The following ANKRD55 variants were observed in gnomAD, a reference collection of about 807,000 sequenced individuals.
ANKRD55 encodes the protein ankyrin repeat domain-containing protein 55.
ANKRD55 carries 41 observed loss-of-function variants against 60.6 expected under a neutral mutation model. The ratio of observed to expected loss-of-function variants is 0.68; its 90% confidence interval spans 0.53 to 0.88. The LOEUF is 0.88. ANKRD55 is among the 40% of genes least tolerant of loss of function. ANKRD55 has a pLI of 0.00. For missense variants in ANKRD55, 732 were observed against 767.6 expected, an observed-to-expected ratio of 0.95 and a Z score of 0.55; for synonymous variants, 264 against 290.3, an observed-to-expected ratio of 0.91 and a Z score of 0.92.
In ANKRD55 at chr5:56,127,377, A is replaced by T. The variant is rs539724268; in HGVS notation, c.613-271T>A. On this transcript the variant is annotated intron_variant, in intron 7 of 11. Transcript: ENST00000341048. ...TAACTAGTGAACGAAGGATGGATTG[A>T]AATTAAATACAGGTGCAATGGACTG... The T allele has an allele frequency of 9.1e-5, 89 of 976,394 alleles. No homozygotes were observed. In the African/African-American group the frequency reaches 1.6e-3, roughly 17 times the overall value. The allele number at this position is 976,394 out of a possible 1,614,324, so 60.5% of individuals were successfully genotyped here.
intron 11 of ANKRD55, among the ~76,000 whole-genome samples, chr5:56,101,589 G>T (rs1756277664): frequency 1.3e-5 from 2 of 152,064 alleles, no homozygotes; most frequent in South Asian, 4.1e-4. Flanking sequence ...GTATAGATAT[G>T]AGAATATTCA....
At chr5:56,157,997 A>G (rs1561274292) in intron 6 of ANKRD55, among the ~76,000 whole-genome samples, 1 of 152,178 alleles carries the variant, frequency 6.6e-6, no homozygotes, top group Non-Finnish European at 1.5e-5. Flanking sequence ...CCTGCTCAAC[A>G]TGGTGAAACC....
chr5:56,128,233 T>C (rs1757326317), intron 7 of ANKRD55, among the ~76,000 whole-genome samples: 1 of 152,220 alleles, frequency 6.6e-6, no homozygotes, highest in African/African-American at 2.4e-5. Flanking sequence ...GAATTCAAGC[T>C]GTCAAGGTGG....
intron 8 of ANKRD55, among the ~76,000 whole-genome samples, chr5:56,118,630 TAAATAAAATAAAATA>T (rs145664184): frequency 1.4e-4 from 21 of 149,270 alleles, no homozygotes; most frequent in East Asian, 3.9e-4. Flanking sequence ...TCTCAAAAAA[TAAATAAAATAAAATA>T]AAATAAAATA....
At chr5:56,162,300 T>G (rs1351546357) in intron 5 of ANKRD55, among the ~76,000 whole-genome samples, 1 of 152,198 alleles carries the variant, frequency 6.6e-6, no homozygotes, top group African/African-American at 2.4e-5. Flanking sequence ...TCTATTTGGC[T>G]TTCAAAGCCA....
At chr5:56,115,405 A>T (rs892816038) in intron 9 of ANKRD55, among the ~76,000 whole-genome samples, 14 of 147,658 alleles carry the variant, frequency 9.5e-5, no homozygotes, top group African/African-American at 3.5e-4. Flanking sequence ...TGCAACCTCC[A>T]CCTCCCAGGC....
intron 2 of ANKRD55, among the ~76,000 whole-genome samples, chr5:56,230,118 A>G (rs1760214105): frequency 6.6e-6 from 1 of 151,962 alleles, no homozygotes; most frequent in Non-Finnish European, 1.5e-5. Context: ...TTTTTTTGAG[A>G]CAGAGTCTTG....
intron 11 of ANKRD55, among the ~76,000 whole-genome samples, chr5:56,101,032 C>G (rs1756255815): frequency 6.6e-6 from 1 of 152,180 alleles, no homozygotes; most frequent in African/African-American, 2.4e-5. Context: ...TTGGTTTCTG[C>G]TACTAACTCT....
intron 6 of ANKRD55, among the ~76,000 whole-genome samples, chr5:56,149,846 T>C (rs530961748): frequency 2.0e-5 from 3 of 150,656 alleles, no homozygotes; most frequent in East Asian, 3.9e-4. Flanking sequence ...CTAACTTCTT[T>C]TTTTTTTTTT....
intron 7 of ANKRD55, among the ~76,000 whole-genome samples, chr5:56,142,863 TTGCAGAGAAACTGG>T (rs1276301488): frequency 1.3e-5 from 2 of 152,198 alleles, no homozygotes; most frequent in East Asian, 3.9e-4. Context: ...CTGCATAGCT[TTGCAGAGAAACTGG>T]TGCAGAGAAA....
rs989381887 is a variant in ANKRD55, at chr5:56,183,135, C to T, written c.181+377G>A. ...AGAGTCTTTTTATGTTTACATATAA[C>T]GTCCAGGGTTTTTAGTTGCATTTAG... On this transcript the variant is annotated intron_variant, in intron 3 of 11. Coordinates refer to ENST00000341048, the MANE Select transcript of ANKRD55 (RefSeq NM_024669.3). 4.6e-5 allele frequency among the ~76,000 whole-genome samples: 7 copies of T among 152,284 alleles called. No individual in the cohort carries two copies. The South Asian group carries it at 6.2e-4, about 14-fold the overall frequency.
chr5:56,179,499 C>G (rs1437908757), intron 3 of ANKRD55, among the ~76,000 whole-genome samples: 2 of 151,998 alleles, frequency 1.3e-5, no homozygotes, highest in Non-Finnish European at 2.9e-5. Context: ...TTAAAAAAAT[C>G]CAAGGAAAAG....
At chr5:56,137,267 T>C (rs1580971687) in intron 7 of ANKRD55, 2 of 1,602,576 alleles carry the variant, frequency 1.2e-6, no homozygotes, top group Non-Finnish European at 1.7e-6. Flanking sequence ...TGCTTAAAAA[T>C]GCAGAGAGTA....
intron 5 of ANKRD55, among the ~76,000 whole-genome samples, chr5:56,169,713 C>T (rs1480395263): frequency 2.6e-5 from 4 of 152,166 alleles, no homozygotes; most frequent in African/African-American, 4.8e-5. Flanking sequence ...TTGGGCTCCT[C>T]AACCCAGACA....
chr5:56,172,482 C>T (rs1274949945), intron 4 of ANKRD55, among the ~76,000 whole-genome samples: 14 of 152,050 alleles, frequency 9.2e-5, no homozygotes, highest in Admixed American at 7.9e-4. Context: ...TTACAGTTTT[C>T]GAAAAGCAGA....
intron 6 of ANKRD55, among the ~76,000 whole-genome samples, chr5:56,146,244 TA>T (rs1407930571): frequency 6.6e-6 from 1 of 151,964 alleles, no homozygotes; most frequent in Non-Finnish European, 1.5e-5. Flanking sequence ...AGATGCTGAG[TA>T]AACACTTATT....
At chr5:56,205,561 T>C (rs2111864490) in intron 2 of ANKRD55, among the ~76,000 whole-genome samples, 1 of 152,318 alleles carries the variant, frequency 6.6e-6, no homozygotes, top group Non-Finnish European at 1.5e-5. Context: ...GACAGCTGTA[T>C]TGAGTAGAAG....
chr5:56,207,279 T>G (rs887037890), intron 2 of ANKRD55, among the ~76,000 whole-genome samples: 1 of 152,192 alleles, frequency 6.6e-6, no homozygotes, highest in Admixed American at 6.5e-5. Context: ...TCCTGAGGAA[T>G]GATTAGAGCA....
chr5:56,194,727 A>G (rs1172001060), intron 2 of ANKRD55, among the ~76,000 whole-genome samples: 1 of 152,206 alleles, frequency 6.6e-6, no homozygotes, highest in Non-Finnish European at 1.5e-5. Flanking sequence ...TGTATTTGAT[A>G]ATATTTGTTC....
Sources: allele counts gnomAD v4.1 joint callset (sites outside exome capture counted in the v4.1 genomes callset), GRCh38; gene constraint gnomAD v4.1.1; transcripts MANE v1.5; gene names NCBI Gene and HGNC (gene_info 2026-07-23, HGNC 2026-07-21).